Variants in VCAN observed in about 807,000 individuals in gnomAD.
The protein encoded by VCAN is versican core protein.
In VCAN, 44 loss-of-function variants were observed where a neutral mutation model predicts 245.5. The ratio of observed to expected loss-of-function variants is 0.18; its 90% CI spans 0.14 to 0.23. The LOEUF (loss-of-function observed/expected upper bound fraction) is 0.23. Among genes scored for constraint, VCAN ranks in the 10% least tolerant of loss-of-function variants. The pLI is 1.00. For synonymous variants in VCAN, 1,413 were observed against 1,437.0 expected (o/e 0.98, Z 0.38); for missense variants, 3,793 against 4,057.9 (o/e 0.93, Z 1.77).
At chr5:83,578,756 G>A (rs1351660098) in intron 13 of VCAN, among the ~76,000 whole-genome samples, 1 of 152,078 alleles carries the variant, frequency 6.6e-6, no homozygotes, top group African/African-American at 2.4e-5. Context: ...GGCCTGTGGT[G>A]TAAGAATTCT....
chr5:83,521,436 A>C lies in VCAN; in HGVS notation c.3130A>C (p.Lys1044Gln). Residue 1044 changes from lysine to glutamine, a missense_variant, in exon 7 of 15, where the codon AAA becomes CAA. By Grantham distance (53) the Lys-to-Gln change is moderately conservative. Around this residue, in one of 5 missense-constraint regions of VCAN, gnomAD observed 3,182 missense variants for 3,250.3 expected, o/e 0.98. Coordinates refer to ENST00000265077, the MANE Select transcript of VCAN (RefSeq NM_004385.5). ...EFPWKEQTAE[K>Q]PVPALSSTAW... ...CCCTTGGAAAGAACAGACTGCAGAG[A>C]AACCAGTTCCTGCTCTCAGTTCTAC... 3 of 1,614,152 alleles carry C rather than the reference A, an allele frequency of 1.9e-6. No individual in the cohort carries two copies. Among genetic ancestry groups the C allele is most frequent in the Non-Finnish European group, 2.5e-6 (3 of 1,180,020 alleles).
At chr5:83,475,544 A>T (rs191690655) in intron 1 of VCAN, among the ~76,000 whole-genome samples, 1 of 152,358 alleles carries the variant, frequency 6.6e-6, no homozygotes, top group Non-Finnish European at 1.5e-5. Context: ...CAATGGAAGC[A>T]ACAATTAGTG....
intron 7 of VCAN, among the ~76,000 whole-genome samples, chr5:83,529,764 CTG>C (rs1368282911): frequency 6.6e-6 from 1 of 152,130 alleles, no homozygotes; most frequent in African/African-American, 2.4e-5. Flanking sequence ...ATGCAAGTCA[CTG>C]TGACAGGCAT....
intron 7 of VCAN, among the ~76,000 whole-genome samples, chr5:83,529,378 G>A (rs1580637052): frequency 1.5e-5 from 2 of 133,162 alleles, no homozygotes; most frequent in African/African-American, 2.8e-5. Context: ...GAACAATACA[G>A]CAATAAAAAA....
rs1746971849 is a variant in VCAN, at chr5:83,541,194, A to G, written c.8191A>G (p.Ile2731Val). 12 of 1,613,910 alleles carry G rather than the reference A, an allele frequency of 7.4e-6. No individual in the cohort carries two copies. Among genetic ancestry groups the G allele is most frequent in the Admixed American group, 1.7e-5 (1 of 59,960 alleles). Residue 2731 changes from isoleucine (I) to valine (V), a missense_variant, in exon 8 of 15, where the codon ATT becomes GTT. Coordinates refer to ENST00000265077, the MANE Select transcript of VCAN (RefSeq NM_004385.5). ...ESSTLSDGQA[I>V]ADQSEIIPTL... is the part of the protein sequence containing the mutation. ...AAGCACTTTGTCTGATGGTCAAGCT[A>G]TTGCAGACCAAAGTGAAATAATACC...
intron 12 of VCAN, among the ~76,000 whole-genome samples, chr5:83,570,617 G>A (rs970640401): frequency 6.6e-6 from 1 of 152,028 alleles, no homozygotes; most frequent in African/African-American, 2.4e-5. Context: ...AATTTCATAG[G>A]TAGGAGAATA....
chr5:83,521,265 G>C lies in VCAN; in HGVS notation c.2959G>C (p.Val987Leu). ...TCCCAAGACAGACTGGGGAGTGTTA[G>C]TACCTTCTGTTCCATCAGAAGATGA... ...VIPKTDWGVL[V>L]PSVPSEDEVL... The change falls in exon 7 of 15, where the codon GTA (valine) becomes CTA (leucine). Residue 987 changes from valine to leucine, a missense_variant. This residue lies in a region of VCAN where 3,182 missense variants were observed against 3,250.3 expected (regional missense o/e 0.98). Coordinates refer to ENST00000265077, the MANE Select transcript of VCAN (RefSeq NM_004385.5). 3 of 1,614,110 alleles carry C rather than the reference G, an allele frequency of 1.9e-6. No individual in the cohort carries two copies. The highest frequency in any genetic ancestry group is 2.5e-6 in the Non-Finnish European group (3 of 1,179,966).
At chr5:83,494,003 T>C in intron 5 of VCAN, 72 bp downstream of exon 5, 1 of 1,608,652 alleles carries the variant, frequency 6.2e-7, no homozygotes, top group East Asian at 2.2e-5. Context: ...TTCATTGGAA[T>C]AGAGCAAGTC....
chr5:83,573,627 C>T (rs1457819967), intron 13 of VCAN, among the ~76,000 whole-genome samples: 1 of 152,100 alleles, frequency 6.6e-6, no homozygotes, highest in Non-Finnish European at 1.5e-5. Context: ...CAGCGTGCTT[C>T]ATAAGCCACT....
intron 12 of VCAN, among the ~76,000 whole-genome samples, chr5:83,564,754 G>C (rs1304967061): frequency 6.6e-6 from 1 of 151,404 alleles, no homozygotes; most frequent in African/African-American, 2.4e-5. Context: ...AGCAGTGACT[G>C]AACCGTTCAA....
At position 83,519,809 on chromosome 5, in the gene VCAN, T is replaced by C; in HGVS notation, c.1503T>C (p.Ser501=). The C allele has an allele frequency of 3.1e-6, 5 of 1,614,164 alleles. No individual in the cohort carries two copies. Among genetic ancestry groups the C allele is most frequent in the African/African-American group, 1.3e-5 (1 of 75,054 alleles). Residue 501 remains serine, a synonymous_variant, in exon 7 of 15, where the codon TCT becomes TCC. Coordinates refer to ENST00000265077, the MANE Select transcript of VCAN (RefSeq NM_004385.5). ...TAGAAGTGGGTCCTTTGGTAACATC[T>C]ATGGAAATCTTAAAGCACATTCCTT... ...EQIEVGPLVT[S]MEILKHIPSK... is the part of the protein sequence containing the mutation.
intron 1 of VCAN, among the ~76,000 whole-genome samples, chr5:83,482,732 TA>T (rs1172131764): frequency 6.6e-6 from 1 of 152,142 alleles, no homozygotes; most frequent in Non-Finnish European, 1.5e-5. Context: ...CCCAGATTGT[TA>T]AATGTCTTTT....
In VCAN at chr5:83,539,083, C is replaced by T; in HGVS notation, c.6080C>T (p.Pro2027Leu). ...AGCAGCTCTGTTGTTCCAGTGCTTC[C>T]CAGTGCTGTGCAAAAGTTTTCTGGT... ...TVSSSVVPVL[P>L]SAVQKFSGTA... The change falls in exon 8 of 15, where the codon CCC becomes CTC. Residue 2027 changes from proline (P) to leucine (L), a missense_variant. By Grantham distance (98) the Pro-to-Leu change is moderately conservative (BLOSUM62 -3). Around this residue, in one of 5 missense-constraint regions of VCAN, gnomAD observed 3,182 missense variants for 3,250.3 expected, o/e 0.98. Transcript: ENST00000265077. 6.2e-7 allele frequency: 1 copy of T among 1,613,960 alleles called. No homozygotes were observed. Among genetic ancestry groups the T allele is most frequent in the Non-Finnish European group, 8.5e-7 (1 of 1,179,972 alleles).
chr5:83,482,812 T>A (rs1025197649), intron 1 of VCAN, among the ~76,000 whole-genome samples: 14 of 152,218 alleles, frequency 9.2e-5, no homozygotes, highest in African/African-American at 3.4e-4. Flanking sequence ...GGTATTTTCT[T>A]TCATTCTTTA....
chr5:83,502,583 G>A (rs142141163), intron 5 of VCAN, among the ~76,000 whole-genome samples: 5 of 152,254 alleles, frequency 3.3e-5, no homozygotes, highest in South Asian at 2.1e-4. Context: ...TCTGAAAACC[G>A]TACAAATGTG....
At chr5:83,560,562 A>G (rs1747829061) in intron 12 of VCAN, among the ~76,000 whole-genome samples, 1 of 152,116 alleles carries the variant, frequency 6.6e-6, no homozygotes, top group South Asian at 2.1e-4. Flanking sequence ...AATCATTTAT[A>G]TTTATCTGTC....
At position 83,520,446 on chromosome 5, in the gene VCAN, G is replaced by C. The variant is rs1174927168; in HGVS notation, c.2140G>C (p.Gly714Arg). 22 of 1,613,746 alleles carry C rather than the reference G, an allele frequency of 1.4e-5. No homozygotes were observed. The highest frequency in any genetic ancestry group is 1.7e-5 in the Non-Finnish European group (20 of 1,179,946). The change falls in exon 7 of 15, where the codon GGA (glycine) becomes CGA (arginine). Residue 714 changes from glycine (G) to arginine (R), a missense_variant. Gly to Arg is a moderately radical substitution (Grantham distance 125, BLOSUM62 -2). Transcript: ENST00000265077. ...AGAGATCACTAAAAGTCCATTTATG[G>C]GAAAAACAGAAGAAGAAGTCTTCTC... The part of the protein sequence containing the change: ...QEEITKSPFM[G>R]KTEEEVFSGM...
intron 10 of VCAN, among the ~76,000 whole-genome samples, chr5:83,550,402 T>C (rs1244838547): frequency 6.6e-6 from 1 of 152,182 alleles, no homozygotes; most frequent in Non-Finnish European, 1.5e-5. Flanking sequence ...ATGCATTGAA[T>C]GATTTTTAAG....
chr5:83,503,496 G>A (rs1291811014), intron 5 of VCAN, among the ~76,000 whole-genome samples: 1 of 152,150 alleles, frequency 6.6e-6, no homozygotes, highest in Non-Finnish European at 1.5e-5. Flanking sequence ...TTGAACTTTT[G>A]TAGTAAAATA....
Sources: allele counts gnomAD v4.1 joint callset (sites outside exome capture counted in the v4.1 genomes callset), GRCh38; gene constraint gnomAD v4.1.1; regional missense constraint gnomAD v4.1.1; transcripts MANE v1.5; gene names NCBI Gene and HGNC (gene_info 2026-07-23, HGNC 2026-07-21).